The following NDST4 variants were observed in gnomAD, a reference collection of about 807,000 sequenced individuals.
NDST4 encodes N-deacetylase and N-sulfotransferase 4, also known as N-heparan sulfate sulfotransferase 4.
In NDST4, 63 loss-of-function variants were observed where a neutral mutation model predicts 100.8. That is an observed-to-expected ratio of 0.62 (90% confidence interval 0.51 to 0.77). NDST4 has a LOEUF of 0.77. Among genes scored for constraint, NDST4 ranks in the 30% least tolerant of loss-of-function variants. The probability of loss-of-function intolerance (pLI) is 0.00; values close to 1 mark genes in which losing one functional copy is unlikely to be tolerated. For synonymous variants in NDST4, 377 were observed against 361.8 expected (o/e 1.04, Z -0.48); for missense variants, 943 against 1,018.4 (o/e 0.93, Z 1.01).
chr4:115,010,544 G>C (rs1271711162), intron 2 of NDST4, among the ~76,000 whole-genome samples: 2 of 128,290 alleles, frequency 1.6e-5, no homozygotes, highest in Non-Finnish European at 3.3e-5. Flanking sequence ...TGTGGGGTTG[G>C]GGGAGGGGGT....
intron 2 of NDST4, among the ~76,000 whole-genome samples, chr4:115,005,439 GCAGA>G (rs1165597374): frequency 6.6e-6 from 1 of 152,128 alleles, no homozygotes. Context: ...GGCATATATG[GCAGA>G]AGTGGCAAGC....
At chr4:114,953,583 A>G (rs1373521284) in intron 4 of NDST4, among the ~76,000 whole-genome samples, 1 of 152,134 alleles carries the variant, frequency 6.6e-6, no homozygotes, top group African/African-American at 2.4e-5. Flanking sequence ...ATGAAAACTT[A>G]GTCTTTGTGA....
intron 7 of NDST4, among the ~76,000 whole-genome samples, chr4:114,862,150 G>A (rs537106455): frequency 5.9e-5 from 9 of 152,042 alleles, no homozygotes; most frequent in Non-Finnish European, 1.3e-4. Context: ...TTTAGCAATC[G>A]GCATAGACTA....
chr4:115,040,773 A>G (rs986951710), intron 2 of NDST4, among the ~76,000 whole-genome samples: 1 of 152,028 alleles, frequency 6.6e-6, no homozygotes, highest in Non-Finnish European at 1.5e-5. Context: ...AGTAAGATGA[A>G]CAGCTTCCCA....
Position 115,076,711 on chromosome 4 carries a change from A to G in NDST4, c.326T>C (p.Val109Ala). ...TATATCTCCCTTTCCAGGGGCAATA[A>G]CCATGTGGTACTGAAATCGGCTGGA... is the stretch of plus-strand genomic sequence containing the variant. ...LESSRFQYHM[V>A]IAPGKGDIPP... Residue 109 changes from valine to alanine, a missense_variant, in exon 2 of 14, where the codon GTT (valine) becomes GCT (alanine). Physicochemically the swap from Val to Ala is moderately conservative, Grantham distance 64 (BLOSUM62 0). This residue lies in a region of NDST4 where 417 missense variants were observed against 384.2 expected (regional missense o/e 1.09). Coordinates refer to ENST00000264363, the MANE Select transcript of NDST4 (RefSeq NM_022569.3). 1 of 1,613,970 alleles carries G rather than the reference A, an allele frequency of 6.2e-7. No homozygotes were observed. Among genetic ancestry groups the G allele is most frequent in the Non-Finnish European group, 8.5e-7 (1 of 1,179,928 alleles).
chr4:114,995,936 T>C (rs2126253724), intron 2 of NDST4, among the ~76,000 whole-genome samples: 1 of 152,216 alleles, frequency 6.6e-6, no homozygotes, highest in South Asian at 2.1e-4. Flanking sequence ...ATAAATGAAA[T>C]GACTCATACA....
chr4:115,018,169 A>G (rs943062323), intron 2 of NDST4, among the ~76,000 whole-genome samples: 5 of 151,922 alleles, frequency 3.3e-5, no homozygotes, highest in Admixed American at 1.3e-4. Context: ...GAAGCTACTA[A>G]TAATTTATAC....
At chr4:114,940,454 T>G (rs1291944297) in intron 4 of NDST4, among the ~76,000 whole-genome samples, 1 of 152,204 alleles carries the variant, frequency 6.6e-6, no homozygotes, top group Non-Finnish European at 1.5e-5. Flanking sequence ...TTTTAATTGC[T>G]TAGTTGAAAT....
At chr4:115,054,794 G>A (rs1184289387) in intron 2 of NDST4, among the ~76,000 whole-genome samples, 1 of 152,084 alleles carries the variant, frequency 6.6e-6, no homozygotes, top group Non-Finnish European at 1.5e-5. Context: ...TGAAATTTTA[G>A]CTCCTTGTTT....
chr4:115,062,686 G>T (rs28509283), intron 2 of NDST4, among the ~76,000 whole-genome samples: 4,971 of 151,524 alleles, frequency 0.033, 336 homozygotes, highest in African/African-American at 0.11. Flanking sequence ...AAGGCATACA[G>T]AGTATGCAAA....
intron 10 of NDST4, among the ~76,000 whole-genome samples, chr4:114,845,204 T>C (rs2126185770): frequency 6.6e-6 from 1 of 152,096 alleles, no homozygotes; most frequent in East Asian, 1.9e-4. Flanking sequence ...TGGTGGTGTG[T>C]GCCTGTAGTC....
At chr4:115,060,511 T>G (rs970153173) in intron 2 of NDST4, among the ~76,000 whole-genome samples, 1 of 151,996 alleles carries the variant, frequency 6.6e-6, no homozygotes, top group Non-Finnish European at 1.5e-5. Context: ...TGTACAAACC[T>G]GAACTAAAAT....
At chr4:114,957,705 A>G (rs1726170201) in intron 4 of NDST4, among the ~76,000 whole-genome samples, 1 of 152,162 alleles carries the variant, frequency 6.6e-6, no homozygotes, top group Admixed American at 6.5e-5. Flanking sequence ...AAAGCAAATT[A>G]TTTACTTCTT....
intron 2 of NDST4, among the ~76,000 whole-genome samples, chr4:115,034,761 C>T (rs1440132781): frequency 6.6e-6 from 1 of 152,058 alleles, no homozygotes; most frequent in African/African-American, 2.4e-5. Context: ...GCTCCCTCAG[C>T]CTGCTCCAAC....
At chr4:114,847,324 C>T (rs920037241) in intron 9 of NDST4, among the ~76,000 whole-genome samples, 2 of 111,482 alleles carry the variant, frequency 1.8e-5, no homozygotes, top group Non-Finnish European at 3.2e-5. Context: ...TGCAGTGAGC[C>T]GAGATCCCGC....
At chr4:115,092,143 G>C (rs1378972468) in intron 1 of NDST4, among the ~76,000 whole-genome samples, 3 of 152,110 alleles carry the variant, frequency 2.0e-5, no homozygotes, top group African/African-American at 7.2e-5. Context: ...ACCAGCCTGG[G>C]CAATACTGGG....
intron 2 of NDST4, among the ~76,000 whole-genome samples, chr4:114,991,991 AT>A (rs1467679550): frequency 2.0e-5 from 3 of 151,970 alleles, no homozygotes; most frequent in African/African-American, 7.2e-5. Flanking sequence ...TATAATCAGT[AT>A]ATCTTTTTCT....
At position 115,068,641 on chromosome 4, in the gene NDST4, CAA is replaced by C. The variant is rs368916587; in HGVS notation, c.978+7416_978+7417del. 3.9e-3 allele frequency among the ~76,000 whole-genome samples: 537 copies of C among 138,176 alleles called. 5 individuals are homozygous for C. The highest frequency in any genetic ancestry group is 0.013 in the African/African-American group (483 of 37,818). 90.6% of individuals were successfully genotyped at this position (138,176 alleles called of 152,430 possible). A position where few individuals can be genotyped will look rare whatever the true frequency, so the allele number is the denominator to read the frequency against. On this transcript the variant is annotated intron_variant, in intron 2 of 13. Transcript: ENST00000264363. The stretch of plus-strand genomic sequence containing the variant: ...GGCTAACACGGTGAAACCCCATCTC[CAA>C]AAAAAAAAAAAAAATACAAAAAAAT...
chr4:114,850,180 G>C (rs966162934), intron 8 of NDST4, among the ~76,000 whole-genome samples: 6 of 151,974 alleles, frequency 3.9e-5, no homozygotes, highest in African/African-American at 1.2e-4. Flanking sequence ...ATGCATGCAG[G>C]GCACAGATAA....
Sources: allele counts gnomAD v4.1 joint callset (sites outside exome capture counted in the v4.1 genomes callset), GRCh38; gene constraint gnomAD v4.1.1; regional missense constraint gnomAD v4.1.1; transcripts MANE v1.5; gene names NCBI Gene and HGNC (gene_info 2026-07-23, HGNC 2026-07-21).